Variants in GRIPAP1 observed in about 807,000 individuals in gnomAD.
The protein encoded by GRIPAP1 is GRIP1-associated protein 1.
In GRIPAP1, 14 loss-of-function variants were observed where a neutral mutation model predicts 84.1. That is an observed-to-expected ratio of 0.17 (90% CI 0.11 to 0.26). GRIPAP1 has a LOEUF of 0.26. GRIPAP1 is among the 10% of genes least tolerant of loss of function. GRIPAP1 has a pLI of 1.00. For synonymous variants in GRIPAP1, 261 were observed against 256.8 expected (o/e 1.02, Z -0.15); for missense variants, 518 against 674.2 (o/e 0.77, Z 2.57).
chrX:48,986,243 CA>C (rs782307501), intron 13 of GRIPAP1, among the ~76,000 whole-genome samples: 17 of 81,911 alleles, frequency 2.1e-4, no homozygotes, highest in Admixed American at 4.4e-4. Flanking sequence ...ACTCCGTCTA[CA>C]AAAAAAAAAA....
At chrX:48,978,514 A>G in intron 21 of GRIPAP1, 79 bp from the exon 22 acceptor site, 1 of 941,863 alleles carries the variant, frequency 1.1e-6, no homozygotes, top group South Asian at 2.6e-5. Context: ...AGAGGCAGAA[A>G]TAGATTTAAC....
chrX:48,987,751 G>A (rs1557064310), intron 13 of GRIPAP1, 34 bp downstream of exon 13: 2 of 880,603 alleles, frequency 2.3e-6, no homozygotes, highest in Non-Finnish European at 3.3e-6. Flanking sequence ...GGGAACTGGA[G>A]AGGGATCAGC....
In GRIPAP1 at chrX:48,981,664, G is replaced by T; in HGVS notation, c.1705C>A (p.Arg569=). 1 of 1,207,992 alleles carries T rather than the reference G, an allele frequency of 8.3e-7. No individual in the cohort carries two copies. Among genetic ancestry groups the T allele is most frequent in the Non-Finnish European group, 1.1e-6 (1 of 891,959 alleles). The change falls in exon 19 of 26, where the codon CGG becomes AGG. Residue 569 remains arginine, a synonymous_variant. Coordinates refer to ENST00000376423, the MANE Select transcript of GRIPAP1 (RefSeq NM_020137.5). ...KGKEEELQDV[R]DQLEQAQEER... ...TCCTGGGCCTGCTCGAGCTGATCCC[G>T]TACATCCTGTAGCTCCTCCTCCTTG...
chrX:48,995,387 C>G (rs992038500), intron 5 of GRIPAP1, among the ~76,000 whole-genome samples: 20 of 111,394 alleles, frequency 1.8e-4, no homozygotes, highest in African/African-American at 6.5e-4. Flanking sequence ...TATGTGAATA[C>G]CAGGGGCTCT....
At chrX:48,988,023 G>A in intron 12 of GRIPAP1, 98 bp downstream of exon 12, 1 of 685,064 alleles carries the variant, frequency 1.5e-6, no homozygotes, top group Non-Finnish European at 2.2e-6. Context: ...AGGCCTGGGG[G>A]AAGCAGGATC....
intron 6 of GRIPAP1, among the ~76,000 whole-genome samples, chrX:48,992,969 C>T (rs1396070586): frequency 9.0e-6 from 1 of 110,574 alleles, no homozygotes; most frequent in Non-Finnish European, 1.9e-5. Context: ...TACAGGCGCC[C>T]GCCACCGTGC....
At chrX:48,999,525 G>GA in intron 1 of GRIPAP1, 21 bp from the exon 2 acceptor site, 2 of 1,154,582 alleles carry the variant, frequency 1.7e-6, no homozygotes, top group Non-Finnish European at 2.4e-6. Flanking sequence ...GGCAGGAAGG[G>GA]AAAAGACTTG....
chrX:48,993,360 G>A, intron 6 of GRIPAP1, 68 bp downstream of exon 6: 1 of 975,765 alleles, frequency 1.0e-6, no homozygotes, highest in Non-Finnish European at 1.4e-6. Context: ...TCCCCTGAGA[G>A]GATGACGGCC....
intron 21 of GRIPAP1, 101 bp downstream of exon 21, chrX:48,981,114 G>A (rs919083186): frequency 2.6e-4 from 143 of 557,979 alleles, no homozygotes; most frequent in Middle Eastern, 5.1e-4. Flanking sequence ...ACAGAAGCAG[G>A]AAAGCACAGC....
intron 12 of GRIPAP1, 112 bp from the exon 13 acceptor site, chrX:48,987,989 A>G: frequency 1.7e-6 from 1 of 573,131 alleles, no homozygotes; most frequent in Non-Finnish European, 2.9e-6. Flanking sequence ...ACACACACAC[A>G]CACACACACA....
At chrX:48,999,095 T>G in intron 3 of GRIPAP1, 143 bp downstream of exon 3, 3 of 398,258 alleles carry the variant, frequency 7.5e-6, no homozygotes, top group Non-Finnish European at 8.7e-6. Flanking sequence ...AGAATTCCAT[T>G]GAGAATCCTT....
At chrX:48,997,427 G>C (rs782633236) in intron 4 of GRIPAP1, 70 bp from the exon 5 acceptor site, 1 of 597,326 alleles carries the variant, frequency 1.7e-6, no homozygotes, top group South Asian at 2.4e-5. Context: ...CAAAGAAACA[G>C]AGAGAGGGAG....
chrX:49,001,649 C>A (rs1319572118), intron 1 of GRIPAP1, among the ~76,000 whole-genome samples: 2 of 110,167 alleles, frequency 1.8e-5, no homozygotes, highest in African/African-American at 6.6e-5. Flanking sequence ...CTACCAACCA[C>A]CAATGGCACA....
At chrX:48,990,896 G>A in intron 7 of GRIPAP1, 30 bp downstream of exon 7, 4 of 1,104,563 alleles carry the variant, frequency 3.6e-6, no homozygotes, top group South Asian at 2.1e-5. Context: ...CTGCCTTCTG[G>A]CATTCCAGCT....
intron 24 of GRIPAP1, 173 bp from the exon 25 acceptor site, chrX:48,975,482 T>G: frequency 1.9e-5 from 8 of 422,255 alleles, no homozygotes; most frequent in Admixed American, 4.4e-5. Flanking sequence ...TCACTAGCTC[T>G]ATGGCCCCGA....
chrX:48,985,268 C>G lies in GRIPAP1; in HGVS notation c.1176G>C (p.Gln392His). 1 of 1,208,286 alleles carries G rather than the reference C, an allele frequency of 8.3e-7. No homozygotes were observed. Among genetic ancestry groups the G allele is most frequent in the Non-Finnish European group, 1.1e-6 (1 of 892,743 alleles). ...GACAGGCCAGAGCCAAAGGTGTTAC[C>G]TGGAGCTGGGAGTTGAGGTCATCTT... is the stretch of plus-strand genomic sequence containing the variant. ...GQKDDLNSQLQESLRANSRLL... is the reference protein window; with the variant it reads ...GQKDDLNSQLHESLRANSRLL... Residue 392 changes from glutamine to histidine, a missense_variant and splice_region_variant, in exon 14 of 26, where the codon CAG becomes CAC. Around this residue, in one of 5 missense-constraint regions of GRIPAP1, gnomAD observed 372 missense variants for 458.1 expected, o/e 0.81. Coordinates refer to ENST00000376423, the MANE Select transcript of GRIPAP1 (RefSeq NM_020137.5).
intron 1 of GRIPAP1, 70 bp from the exon 2 acceptor site, chrX:48,999,574 AG>A (rs1299932679): frequency 1.4e-6 from 1 of 731,152 alleles, no homozygotes; most frequent in Non-Finnish European, 2.1e-6. Context: ...GAGGGAACCA[AG>A]CCCCTAAGCT....
At chrX:48,974,857 T>C (rs1186452514) in intron 25 of GRIPAP1, among the ~76,000 whole-genome samples, 2 of 111,106 alleles carry the variant, frequency 1.8e-5, no homozygotes, top group African/African-American at 3.3e-5. Context: ...TGGCAGGACA[T>C]GGGGTAGACA....
intron 13 of GRIPAP1, among the ~76,000 whole-genome samples, chrX:48,987,518 C>T (rs2064497120): frequency 1.1e-5 from 1 of 94,730 alleles, no homozygotes; most frequent in African/African-American, 4.0e-5. Flanking sequence ...GCGATCTCGG[C>T]TCACTGAAAC....
Sources: gnomAD v4.1 joint callset for allele counts (sites outside exome capture counted in the v4.1 genomes callset) on GRCh38, gnomAD v4.1.1 for gene constraint, gnomAD v4.1.1 regional missense constraint, MANE v1.5 for transcripts, NCBI Gene and HGNC (gene_info 2026-07-23, HGNC 2026-07-21) for gene names.